LMCD1: variants seen among roughly 807,000 people sequenced by gnomAD.
The protein encoded by LMCD1 is LIM and cysteine-rich domains protein 1.
A neutral mutation model predicts 42.7 loss-of-function variants in LMCD1; 32 were observed. The ratio of observed to expected loss-of-function variants is 0.75; its 90% confidence interval spans 0.57 to 1.01. LMCD1 has a LOEUF of 1.01. Among genes scored for constraint, LMCD1 ranks in the 50% least tolerant of loss-of-function variants. The pLI, the probability that LMCD1 is intolerant of heterozygous loss-of-function variation, is 0.00. For missense variants in LMCD1, 458 were observed against 483.1 expected (o/e 0.95, Z 0.49); for synonymous variants, 178 against 184.9 (o/e 0.96, Z 0.30).
chr3:8,506,983 T>A (rs1280571355), intron 1 of LMCD1, among the ~76,000 whole-genome samples: 1 of 152,208 alleles, frequency 6.6e-6, no homozygotes, highest in East Asian at 1.9e-4. Flanking sequence ...TTTCAGGACA[T>A]CCAAAATGAA....
chr3:8,548,438 G>T, intron 3 of LMCD1, 130 bp from the exon 4 acceptor site: 1 of 542,264 alleles, frequency 1.8e-6, no homozygotes, highest in African/African-American at 1.9e-5. Context: ...AATAAAGACT[G>T]TGGGTCTTTC....
intron 1 of LMCD1, among the ~76,000 whole-genome samples, chr3:8,520,411 C>T (rs1037343883): frequency 3.9e-5 from 6 of 152,100 alleles, no homozygotes; most frequent in Non-Finnish European, 8.8e-5. Flanking sequence ...ACCACAAAAC[C>T]AATTAGATTT....
intron 1 of LMCD1, among the ~76,000 whole-genome samples, chr3:8,505,980 A>G (rs1280665533): frequency 6.6e-6 from 1 of 152,270 alleles, no homozygotes; most frequent in African/African-American, 2.4e-5. Context: ...AGACATGCCC[A>G]TAGGTGTATA....
At chr3:8,507,128 G>T (rs1693899568) in intron 1 of LMCD1, among the ~76,000 whole-genome samples, 1 of 152,198 alleles carries the variant, frequency 6.6e-6, no homozygotes, top group Non-Finnish European at 1.5e-5. Context: ...ACTTTTGCAG[G>T]ACTCCTTCAA....
At chr3:8,535,220 C>T (rs1574960106) in intron 2 of LMCD1, among the ~76,000 whole-genome samples, 1 of 152,216 alleles carries the variant, frequency 6.6e-6, no homozygotes, top group African/African-American at 2.4e-5. Flanking sequence ...CTTAAAGAAG[C>T]AGGCTTCTCA....
In LMCD1 at chr3:8,567,538, G is replaced by A. The variant is rs148640433; in HGVS notation, c.1038G>A (p.Ala346=). The stretch of plus-strand genomic sequence containing the variant: ...GTGAGCAGCTGCTGAGCGGCCGGGC[G>A]TACATCGTCACCAAGGGTCAGCTTC... ...EGCEQLLSGR[A]YIVTKGQLLC... The change falls in exon 6 of 6, where the codon GCG becomes GCA. Residue 346 remains alanine, a synonymous_variant. Transcript: ENST00000157600. 396 of 1,613,792 alleles carry A rather than the reference G, an allele frequency of 2.5e-4. 1 individual carries two copies. Among genetic ancestry groups the A allele is most frequent in the African/African-American group, 7.6e-4 (57 of 74,884 alleles).
intron 4 of LMCD1, among the ~76,000 whole-genome samples, chr3:8,562,332 G>A (rs1414307884): frequency 6.6e-6 from 1 of 152,204 alleles, no homozygotes; most frequent in Non-Finnish European, 1.5e-5. Flanking sequence ...CATTGGGCAT[G>A]CTGCTCCTTT....
intron 1 of LMCD1, among the ~76,000 whole-genome samples, chr3:8,502,396 A>AAATATATAT (rs1404792908): frequency 1.6e-5 from 1 of 61,750 alleles, no homozygotes; most frequent in East Asian, 5.6e-4. Context: ...ATTATATATA[A>AAATATATAT]AATATATATA....
rs112864239 is a variant in LMCD1, at chr3:8,504,725, T to C, written c.42+2745T>C. Among the ~76,000 whole-genome samples, 9 of 152,340 alleles carry C rather than the reference T, an allele frequency of 5.9e-5. 1 individual carries two copies. Among genetic ancestry groups the C allele is most frequent in the African/African-American group, 2.2e-4 (9 of 41,580 alleles). On this transcript the variant is annotated intron_variant, in intron 1 of 5. Transcript: ENST00000157600. The stretch of plus-strand genomic sequence containing the variant: ...GGCTGCTCTTGAACCATCTTTTTTT[T>C]TCTATTAGGAAAGAGAAGGTTTCCT...
In LMCD1 at chr3:8,547,740, A is replaced by G. The variant is rs1027304157; in HGVS notation, c.388-828A>G. On this transcript the variant is annotated intron_variant, in intron 3 of 5. Transcript: ENST00000157600. ...ACCCTGTCTGTACTAAAAATACAAA[A>G]AAATTAGCAGTGGCGGGCACCTGTA... Among the ~76,000 whole-genome samples, 196 of 20,810 alleles carry G rather than the reference A, an allele frequency of 9.4e-3. 1 individual carries two copies. Among genetic ancestry groups the G allele is most frequent in the Admixed American group, 0.025 (28 of 1,128 alleles). 13.7% of individuals were successfully genotyped at this position (20,810 alleles called of 152,430 possible).
rs571189698 is a variant in LMCD1, at chr3:8,567,704, AAACAATG to A, written c.*108_*114del. On this transcript the variant is annotated 3_prime_UTR_variant, in exon 6 of 6. Transcript: ENST00000157600. ...CGATGTGACAGCAAGCAAGTGAAAT[AAACAATG>A]ATTTGCTTTTCAGTGAGAATATATA... The A allele has an allele frequency of 3.0e-3, 3,308 of 1,104,314 alleles. 4 individuals are homozygous for A. The highest frequency in any genetic ancestry group is 3.7e-3 in the Non-Finnish European group (2,876 of 767,738). The allele number at this position is 1,104,314 out of a possible 1,614,324, so 68.4% of individuals were successfully genotyped here. A position where few individuals can be genotyped will look rare whatever the true frequency, so the allele number is the denominator to read the frequency against.
intron 3 of LMCD1, among the ~76,000 whole-genome samples, chr3:8,540,983 T>C (rs1410672426): frequency 6.6e-6 from 1 of 152,196 alleles, no homozygotes; most frequent in East Asian, 1.9e-4. Context: ...CACATAGCAC[T>C]CTCGGTCACC....
chr3:8,514,987 C>G, intron 1 of LMCD1: 1 of 456,620 alleles, frequency 2.2e-6, no homozygotes, highest in Non-Finnish European at 4.4e-6. Context: ...TGGTGCATTT[C>G]GACCGCATGT....
intron 4 of LMCD1, among the ~76,000 whole-genome samples, chr3:8,561,673 A>C (rs1695039956): frequency 6.6e-6 from 1 of 152,198 alleles, no homozygotes; most frequent in South Asian, 2.1e-4. Flanking sequence ...TGAGCAAATC[A>C]CTGAATCTCC....
chr3:8,521,755 C>A (rs559104615), intron 1 of LMCD1, among the ~76,000 whole-genome samples: 34 of 152,182 alleles, frequency 2.2e-4, no homozygotes, highest in African/African-American at 7.9e-4. Flanking sequence ...GTGTCTTCTC[C>A]CTTATGCCAA....
chr3:8,569,158 CA>C lies in LMCD1; in HGVS notation c.*1564del, dbSNP rs1695175724. 1 of 152,312 alleles carries C rather than the reference CA, an allele frequency of 6.6e-6. No homozygotes were observed. The highest frequency in any genetic ancestry group is 6.5e-5 in the Admixed American group (1 of 15,300). 9.4% of individuals were successfully genotyped at this position (152,312 alleles called of 1,614,324 possible). ...GTCCTCATGGACATTTGAATCCTTC[CA>C]AAACTTGGCTTATGTCTTTCTGGCC... On this transcript the variant is annotated 3_prime_UTR_variant, in exon 6 of 6. Transcript: ENST00000157600.
intron 1 of LMCD1, among the ~76,000 whole-genome samples, chr3:8,512,525 G>C (rs1175934387): frequency 6.6e-6 from 1 of 152,200 alleles, no homozygotes; most frequent in Non-Finnish European, 1.5e-5. Context: ...ACAAGGACAT[G>C]AAGAAAGGGC....
At chr3:8,554,320 T>C (rs2125035451) in intron 4 of LMCD1, among the ~76,000 whole-genome samples, 1 of 152,254 alleles carries the variant, frequency 6.6e-6, no homozygotes, top group South Asian at 2.1e-4. Flanking sequence ...GTCCTTCTGC[T>C]TCACCGGCAG....
intron 1 of LMCD1, among the ~76,000 whole-genome samples, chr3:8,515,789 G>A (rs1485060990): frequency 6.6e-6 from 1 of 152,106 alleles, no homozygotes; most frequent in African/African-American, 2.4e-5. Context: ...CTAAGAGCGG[G>A]GGATACAAAA....
Sources: gnomAD v4.1 joint callset for allele counts (sites outside exome capture counted in the v4.1 genomes callset) on GRCh38, gnomAD v4.1.1 for gene constraint, MANE v1.5 for transcripts, NCBI Gene and HGNC (gene_info 2026-07-23, HGNC 2026-07-21) for gene names.